The following FRMPD1 variants were observed in gnomAD, a reference collection of about 807,000 sequenced individuals.
FRMPD1 encodes FERM and PDZ domain containing 1.
In FRMPD1, 76 loss-of-function variants were observed where a neutral mutation model predicts 117.8. The ratio of observed to expected loss-of-function variants is 0.65; its 90% CI spans 0.54 to 0.78. The LOEUF is 0.78. Ranked by LOEUF, FRMPD1 falls within the 30% of genes least tolerant of loss-of-function variation. The pLI is 0.00. For synonymous variants in FRMPD1, 783 were observed against 770.4 expected, an observed-to-expected ratio of 1.02 and a Z score of -0.27; for missense variants, 1,786 against 1,964.5, an observed-to-expected ratio of 0.91 and a Z score of 1.72.
chr9:37,690,623 G>A lies in FRMPD1; in HGVS notation c.-4-2015G>A, dbSNP rs147479562. On this transcript the variant is annotated intron_variant, in intron 1 of 15. Transcript: ENST00000377765. Reference sequence around the variant, plus strand: ...GTTACCTTTTCCCTGCAGGGATCCCGAAAATGTCAATATCTGAAGGTCTTT... The same window carrying A: ...GTTACCTTTTCCCTGCAGGGATCCCAAAAATGTCAATATCTGAAGGTCTTT... Among the ~76,000 whole-genome samples the A allele has an allele frequency of 1.1e-3, 170 of 152,288 alleles. 1 individual carries two copies. The highest frequency in any genetic ancestry group is 3.8e-3 in the African/African-American group (157 of 41,554).
upstream of FRMPD1, among the ~76,000 whole-genome samples, chr9:37,649,722 T>C (rs1164963102): frequency 6.6e-6 from 1 of 152,184 alleles, no homozygotes; most frequent in Admixed American, 6.5e-5. Context: ...AACATCCCAG[T>C]CTGATGGTGC....
At chr9:37,671,380 G>A (rs1343135902) in intron 1 of FRMPD1, among the ~76,000 whole-genome samples, 1 of 152,096 alleles carries the variant, frequency 6.6e-6, no homozygotes, top group Non-Finnish European at 1.5e-5. Context: ...CTCTGTTACC[G>A]TTGTTTTTTT....
At chr9:37,636,837 T>G in the FRMPD1 span, 1 of 1,612,066 alleles carries the variant, frequency 6.2e-7, no homozygotes, top group Non-Finnish European at 8.5e-7. Context: ...GTGGCATTCT[T>G]GGCACTCGTC....
At chr9:37,722,162 G>T (rs1033545650) in intron 6 of FRMPD1, among the ~76,000 whole-genome samples, 5 of 152,116 alleles carry the variant, frequency 3.3e-5, no homozygotes, top group African/African-American at 4.8e-5. Context: ...GTGTGAAATG[G>T]CACTGGAATA....
chr9:37,637,963 GCTTTCTTT>G, the FRMPD1 span, among the ~76,000 whole-genome samples: 6,713 of 99,882 alleles, frequency 0.067, 839 homozygotes, highest in Middle Eastern at 0.097. Context: ...AATGGTGTAT[GCTTTCTTT>G]CTTTCTTTCT....
chr9:37,629,591 T>C, the FRMPD1 span, among the ~76,000 whole-genome samples: 1 of 152,256 alleles, frequency 6.6e-6, no homozygotes, highest in African/African-American at 2.4e-5. Context: ...AAACATTTGA[T>C]ACCTGATGCT....
At chr9:37,711,466 A>T (rs1822909337) in intron 5 of FRMPD1, 71 bp downstream of exon 5, 1 of 1,153,974 alleles carries the variant, frequency 8.7e-7, no homozygotes, top group Non-Finnish European at 1.3e-6. Flanking sequence ...CCCCCAGAGG[A>T]TATCCCTCAT....
chr9:37,659,142 G>C (rs755409533), intron 1 of FRMPD1, among the ~76,000 whole-genome samples: 1 of 152,140 alleles, frequency 6.6e-6, no homozygotes, highest in South Asian at 2.1e-4. Flanking sequence ...CTGGGATGAC[G>C]GGTGTGAGCT....
At chr9:37,623,377 T>C in the FRMPD1 span, among the ~76,000 whole-genome samples, 1 of 152,130 alleles carries the variant, frequency 6.6e-6, no homozygotes, top group Non-Finnish European at 1.5e-5. Flanking sequence ...ACAAAGAGAC[T>C]CATGAGAGTG....
chr9:37,603,230 T>C, the FRMPD1 span, among the ~76,000 whole-genome samples: 1 of 152,208 alleles, frequency 6.6e-6, no homozygotes, highest in Admixed American at 6.5e-5. Flanking sequence ...CCAGAGTCCA[T>C]ATCTGTAAAA....
At chr9:37,630,328 T>C in the FRMPD1 span, among the ~76,000 whole-genome samples, 31 of 152,184 alleles carry the variant, frequency 2.0e-4, no homozygotes, top group Non-Finnish European at 4.0e-4. Flanking sequence ...GAAGCTATTC[T>C]GTGTAAGGCT....
intron 1 of FRMPD1, among the ~76,000 whole-genome samples, chr9:37,683,662 CG>C (rs1821809916): frequency 8.6e-5 from 8 of 92,866 alleles, no homozygotes; most frequent in East Asian, 3.6e-4. Flanking sequence ...GAGTGTTGTG[CG>C]AGGGAGATGA....
At chr9:37,737,483 TC>T (rs1824188176) in intron 14 of FRMPD1, among the ~76,000 whole-genome samples, 3 of 152,196 alleles carry the variant, frequency 2.0e-5, no homozygotes. Context: ...GAGCTCTAGT[TC>T]CCTGCTGTAT....
chr9:37,630,248 G>C, the FRMPD1 span, among the ~76,000 whole-genome samples: 487 of 152,316 alleles, frequency 3.2e-3, 6 homozygotes, highest in African/African-American at 0.011. Context: ...TAACCTCTGA[G>C]ATTGGAATAT....
chr9:37,744,014 C>T (rs1824553744), intron 15 of FRMPD1, among the ~76,000 whole-genome samples: 1 of 151,812 alleles, frequency 6.6e-6, no homozygotes, highest in Admixed American at 6.6e-5. Flanking sequence ...TATGGTGAAA[C>T]CCCATCTCTA....
the FRMPD1 span, among the ~76,000 whole-genome samples, chr9:37,643,510 T>C: frequency 6.6e-6 from 1 of 152,248 alleles, no homozygotes; most frequent in African/African-American, 2.4e-5. Flanking sequence ...TAAAAAATTG[T>C]GTATTTAACT....
chr9:37,658,975 C>T (rs1268941317), intron 1 of FRMPD1, among the ~76,000 whole-genome samples: 1 of 152,098 alleles, frequency 6.6e-6, no homozygotes, highest in African/African-American at 2.4e-5. Context: ...AAGTGATCCT[C>T]CCACCTCAGC....
chr9:37,637,696 T>C, the FRMPD1 span, among the ~76,000 whole-genome samples: 1 of 152,200 alleles, frequency 6.6e-6, no homozygotes, highest in African/African-American at 2.4e-5. Flanking sequence ...CATCACTTAA[T>C]CTCTCCAGGC....
Position 37,732,425 on chromosome 9 carries a change from CT to C in FRMPD1, c.983del (p.Leu328Ter). ...IYACAQPQKI[S>X]LKYIEKDWGI... ...GCCTGTGCCCAGCCACAGAAGATCT[CT>C]TTAAAGTATATAGAGTGAGTGGCAG... On this transcript the variant is annotated frameshift_variant, in exon 10 of 16. Transcript: ENST00000377765. LOFTEE classifies it high-confidence loss of function. The C allele has an allele frequency of 6.2e-7, 1 of 1,613,020 alleles. No individual in the cohort carries two copies. Among genetic ancestry groups the C allele is most frequent in the Non-Finnish European group, 8.5e-7 (1 of 1,179,832 alleles).
Sources: allele counts gnomAD v4.1 joint callset (sites outside exome capture counted in the v4.1 genomes callset), GRCh38; gene constraint gnomAD v4.1.1; transcripts MANE v1.5; gene names NCBI Gene and HGNC (gene_info 2026-07-23, HGNC 2026-07-21).